The following OPN5 variants were observed in gnomAD, a reference collection of about 807,000 sequenced individuals.
The protein encoded by OPN5 is opsin-5.
OPN5 carries 18 observed loss-of-function variants against 41.7 expected under a neutral mutation model. The ratio of observed to expected loss-of-function variants is 0.43; its 90% confidence interval spans 0.30 to 0.64. The LOEUF (loss-of-function observed/expected upper bound fraction) is 0.64, where lower values mean the gene tolerates loss of function less well. Ranked by LOEUF, OPN5 falls within the 30% of genes least tolerant of loss-of-function variation. The probability of loss-of-function intolerance (pLI) is 0.13; values close to 1 mark genes in which losing one functional copy is unlikely to be tolerated. For synonymous variants in OPN5, 178 were observed against 164.3 expected, an observed-to-expected ratio of 1.08 and a Z score of -0.64; for missense variants, 318 against 434.5, an observed-to-expected ratio of 0.73 and a Z score of 2.38.
intron 6 of OPN5, among the ~76,000 whole-genome samples, chr6:47,812,448 C>T (rs375913252): frequency 2.0e-5 from 3 of 152,094 alleles, no homozygotes; most frequent in African/African-American, 2.4e-5. Flanking sequence ...GATAGCTATT[C>T]GTAAGTGTTG....
chr6:47,808,451 G>A, intron 5 of OPN5, 56 bp downstream of exon 5: 1 of 1,596,266 alleles, frequency 6.3e-7, no homozygotes, highest in Non-Finnish European at 8.6e-7. Context: ...AAATCCGGCA[G>A]GGTTCAAGGT....
chr6:47,792,975 G>A (rs530433278), intron 3 of OPN5, among the ~76,000 whole-genome samples: 154 of 123,048 alleles, frequency 1.3e-3, no homozygotes, highest in African/African-American at 4.1e-3. Flanking sequence ...TCATCATCCA[G>A]CACTACGTTT....
chr6:47,819,867 G>T (rs1762548386), intron 6 of OPN5, among the ~76,000 whole-genome samples: 1 of 152,110 alleles, frequency 6.6e-6, no homozygotes, highest in Admixed American at 6.6e-5. Flanking sequence ...TTGTATAAAA[G>T]GTTGAAACTT....
rs1031741481 is a variant in OPN5 at position 47,824,158 on chromosome 6, G to A, written c.*167G>A. ...AATATCAAAACAATGATGCACCCTAGGAGTATCCAAGTATCTTAACTGAGT... is the reference window on the plus strand; with the variant it reads ...AATATCAAAACAATGATGCACCCTAAGAGTATCCAAGTATCTTAACTGAGT... On this transcript the variant is annotated 3_prime_UTR_variant, in exon 7 of 7. Coordinates refer to ENST00000371211, the Ensembl canonical transcript of OPN5. 3 of 631,458 alleles carry A rather than the reference G, an allele frequency of 4.8e-6. No individual in the cohort carries two copies. The African/African-American group carries it at 5.5e-5, about 12-fold the overall frequency. 39.1% of individuals were successfully genotyped at this position (631,458 alleles called of 1,614,324 possible).
intron 6 of OPN5, among the ~76,000 whole-genome samples, chr6:47,822,281 T>A (rs1202934041): frequency 6.6e-6 from 1 of 151,988 alleles, no homozygotes; most frequent in African/African-American, 2.4e-5. Context: ...GAGAGGGTAA[T>A]TAGATTTTGG....
At chr6:47,783,099 T>C (rs1773122873) in intron 1 of OPN5, among the ~76,000 whole-genome samples, 1 of 152,112 alleles carries the variant, frequency 6.6e-6, no homozygotes, top group Non-Finnish European at 1.5e-5. Context: ...TTAATGTGGC[T>C]ACCAGAAAAT....
At chr6:47,795,997 T>C (rs961175354) in intron 4 of OPN5, among the ~76,000 whole-genome samples, 1 of 152,160 alleles carries the variant, frequency 6.6e-6, no homozygotes, top group African/African-American at 2.4e-5. Flanking sequence ...ATTCTACCAC[T>C]TGAATTATTT....
chr6:47,800,016 T>C (rs1358782607), intron 4 of OPN5, among the ~76,000 whole-genome samples: 1 of 152,202 alleles, frequency 6.6e-6, no homozygotes, highest in African/African-American at 2.4e-5. Context: ...ATTTCTGTTT[T>C]AAAACTTAGA....
At chr6:47,812,533 TA>T (rs1271103604) in intron 6 of OPN5, among the ~76,000 whole-genome samples, 1 of 152,072 alleles carries the variant, frequency 6.6e-6, no homozygotes, top group African/African-American at 2.4e-5. Context: ...GGCAGACAGG[TA>T]AAGAGATGTA....
At chr6:47,808,709 C>T (rs201734309) in intron 5 of OPN5, among the ~76,000 whole-genome samples, 2 of 152,212 alleles carry the variant, frequency 1.3e-5, no homozygotes, top group East Asian at 3.9e-4. Context: ...GGACCAAATC[C>T]ATTTTATTCC....
chr6:47,787,547 A>G (rs921560645), intron 2 of OPN5, among the ~76,000 whole-genome samples: 1 of 152,178 alleles, frequency 6.6e-6, no homozygotes, highest in Non-Finnish European at 1.5e-5. Flanking sequence ...TGAACAGTAC[A>G]CAGCAGCTCC....
chr6:47,794,389 G>A (rs1486738834), intron 3 of OPN5, among the ~76,000 whole-genome samples: 1 of 152,198 alleles, frequency 6.6e-6, no homozygotes, highest in Non-Finnish European at 1.5e-5. Context: ...GTAATTTCCT[G>A]TGGAGGCTGC....
At chr6:47,806,136 C>G (rs1327875713) in intron 4 of OPN5, among the ~76,000 whole-genome samples, 1 of 151,930 alleles carries the variant, frequency 6.6e-6, no homozygotes, top group Non-Finnish European at 1.5e-5. Context: ...AAGACATACA[C>G]TGGGAAGGTG....
chr6:47,801,569 C>G (rs1773774871), intron 4 of OPN5, among the ~76,000 whole-genome samples: 1 of 152,092 alleles, frequency 6.6e-6, no homozygotes, highest in South Asian at 2.1e-4. Context: ...CCCCCAAAAC[C>G]AATTAATTAA....
intron 6 of OPN5, among the ~76,000 whole-genome samples, chr6:47,822,151 T>G (rs970858096): frequency 6.7e-6 from 1 of 149,506 alleles, no homozygotes; most frequent in Admixed American, 6.7e-5. Flanking sequence ...TTATTCCAGG[T>G]GACTCTTATA....
intron 4 of OPN5, among the ~76,000 whole-genome samples, chr6:47,804,415 G>T (rs1040049883): frequency 2.0e-5 from 3 of 152,120 alleles, no homozygotes; most frequent in Non-Finnish European, 2.9e-5. Context: ...TAAAAATTAA[G>T]ACACACTTAG....
chr6:47,790,123 C>G (rs966509901), intron 2 of OPN5, among the ~76,000 whole-genome samples: 2 of 151,850 alleles, frequency 1.3e-5, no homozygotes, highest in African/African-American at 4.8e-5. Flanking sequence ...CATAACTTAA[C>G]AGAAGAAGAA....
intron 4 of OPN5, among the ~76,000 whole-genome samples, chr6:47,804,049 A>T (rs1773870800): frequency 6.6e-6 from 1 of 152,238 alleles, no homozygotes. Flanking sequence ...TTAATTGGTT[A>T]ATTAATTGGA....
chr6:47,791,849 G>T, exon 3 of OPN5: 2 of 1,614,118 alleles, frequency 1.2e-6, no homozygotes, highest in Non-Finnish European at 1.7e-6. Flanking sequence ...TCACCGCTGG[G>T]TGTTTGGCTG....
Sources: gnomAD v4.1 joint callset for allele counts (sites outside exome capture counted in the v4.1 genomes callset) on GRCh38, gnomAD v4.1.1 for gene constraint, MANE v1.5 for transcripts, NCBI Gene and HGNC (gene_info 2026-07-23, HGNC 2026-07-21) for gene names.